CIT: variants seen among roughly 807,000 people sequenced by gnomAD.
CIT encodes the protein citron rho-interacting serine/threonine kinase, also known as citron Rho-interacting kinase.
CIT carries 79 observed loss-of-function variants against 272.7 expected under a neutral mutation model. The ratio of observed to expected loss-of-function variants is 0.29; its 90% CI spans 0.24 to 0.35. The LOEUF (loss-of-function observed/expected upper bound fraction) is 0.35. CIT is among the 10% of genes least tolerant of loss of function. The pLI is 1.00. For missense variants in CIT, 1,909 were observed against 2,618.3 expected (o/e 0.73, Z 5.91); for synonymous variants, 948 against 995.6 (o/e 0.95, Z 0.90).
In CIT at chr12:119,712,682, C is replaced by T. The variant is rs1485915487; in HGVS notation, c.4593G>A (p.Pro1531=). 5 of 1,613,880 alleles carry T rather than the reference C, an allele frequency of 3.1e-6. No individual in the cohort carries two copies. The highest frequency in any genetic ancestry group is 2.5e-6 in the Non-Finnish European group (3 of 1,179,944). Reference sequence around the variant, plus strand: ...GAAGGCACAGCTCAAATTCTTCCACCGGCCTCTGTCCAGCTTGGTGCAAAG... The same window carrying T: ...GAAGGCACAGCTCAAATTCTTCCACTGGCCTCTGTCCAGCTTGGTGCAAAG... The part of the protein sequence containing the change: ...DNEAREAGQR[P]VEEFELCLPD... The change falls in exon 36 of 48, where the codon CCG becomes CCA. Residue 1531 remains proline (P), a synonymous_variant. Transcript: ENST00000392521. This position sits in a 1 kb window ranked among gnomAD's most constrained non-coding sequence, Gnocchi z 5.2.
chr12:119,715,664 C>A (rs1338955042), intron 32 of CIT, among the ~76,000 whole-genome samples: 1 of 152,160 alleles, frequency 6.6e-6, no homozygotes, highest in Non-Finnish European at 1.5e-5. Context: ...CTGAATTGTA[C>A]ATTTTTAATG....
chr12:119,765,358 A>G (rs1962297040), intron 19 of CIT, among the ~76,000 whole-genome samples: 1 of 143,938 alleles, frequency 6.9e-6, no homozygotes, highest in African/African-American at 2.6e-5. Flanking sequence ...GTCTCTAAAT[A>G]TATATATATT....
intron 2 of CIT, among the ~76,000 whole-genome samples, chr12:119,872,991 T>C (rs1950729004): frequency 6.6e-6 from 1 of 151,582 alleles, no homozygotes; most frequent in African/African-American, 2.4e-5. Flanking sequence ...AGAGATGGGG[T>C]TTCACCATTT....
rs60831257 is a variant in CIT, at chr12:119,698,124, T to C, written c.5624-70A>G. 0.018 allele frequency: 24,673 copies of C among 1,349,076 alleles called. 3,429 individuals are homozygous for C. The African/African-American group carries it at 0.31, about 17-fold the overall frequency. 83.6% of individuals were successfully genotyped at this position (1,349,076 alleles called of 1,614,324 possible). On this transcript the variant is annotated intron_variant, in intron 44 of 47. Coordinates refer to ENST00000392521, the MANE Select transcript of CIT (RefSeq NM_001206999.2). ...AAAAGAGGGAAAATCAAAATCTGAC[T>C]GCAATGCATTCTTTGACCCAGCAAT...
At chr12:119,736,226 T>C (rs1958745358) in intron 24 of CIT, among the ~76,000 whole-genome samples, 1 of 152,074 alleles carries the variant, frequency 6.6e-6, no homozygotes, top group South Asian at 2.1e-4. Flanking sequence ...GGCAGTAAAT[T>C]AAATTTTACG....
intron 9 of CIT, among the ~76,000 whole-genome samples, chr12:119,812,138 G>A (rs1966853515): frequency 6.6e-6 from 1 of 151,940 alleles, no homozygotes; most frequent in Non-Finnish European, 1.5e-5. Context: ...AGTAGAGACG[G>A]GGTTTTACCA....
rs146931583 is a variant in CIT at position 119,761,004 on chromosome 12, T to C, written c.2356A>G (p.Asn786Asp). The C allele has an allele frequency of 9.9e-6, 16 of 1,614,204 alleles. No homozygotes were observed. Among genetic ancestry groups the C allele is most frequent in the Non-Finnish European group, 1.3e-5 (15 of 1,180,024 alleles). Residue 786 changes from asparagine (N) to aspartate (D), a missense_variant, in exon 20 of 48, where the codon AAC becomes GAC. By Grantham distance (23) the Asn-to-Asp change is conservative. Transcript: ENST00000392521. Reference sequence around the variant, plus strand: ...TCCTCCTCGTGTCTCTGCATCATGTTCTCCAGTGTCTCCTTGTCAGCCAGG... The same window carrying C: ...TCCTCCTCGTGTCTCTGCATCATGTCCTCCAGTGTCTCCTTGTCAGCCAGG... ...KDLADKETLENMMQRHEEEAH... is the reference protein window; with the variant it reads ...KDLADKETLEDMMQRHEEEAH...
At position 119,804,118 on chromosome 12, in the gene CIT, C is replaced by T. The variant is rs1007535421; in HGVS notation, c.1112-729G>A. The T allele has an allele frequency of 1.0e-6, 1 of 965,814 alleles. No individual in the cohort carries two copies. The highest frequency in any genetic ancestry group is 1.2e-6 in the Non-Finnish European group (1 of 812,080). The allele number at this position is 965,814 out of a possible 1,614,324, so 59.8% of individuals were successfully genotyped here. A position where few individuals can be genotyped will look rare whatever the true frequency, so the allele number is the denominator to read the frequency against. ...CTACCGGTGATCTACAGCACCCCTG[C>T]GCGCTGACGGTGGGAATGCACGGAT... is the stretch of plus-strand genomic sequence containing the variant. On this transcript the variant is annotated intron_variant, in intron 9 of 47. Coordinates refer to ENST00000392521, the MANE Select transcript of CIT (RefSeq NM_001206999.2). This position sits in a 1 kb window ranked among gnomAD's most constrained non-coding sequence, Gnocchi z 5.3.
Position 119,721,430 on chromosome 12 carries a change from T to C in CIT, c.3611A>G (p.Gln1204Arg). 5 of 1,608,980 alleles carry C rather than the reference T, an allele frequency of 3.1e-6. No individual in the cohort carries two copies. Among genetic ancestry groups the C allele is most frequent in the Non-Finnish European group, 4.3e-6 (5 of 1,175,836 alleles). The part of the protein sequence containing the change: ...LLEEQAKLQQ[Q>R]MDLQKNHIFR... Reference sequence around the variant, plus strand: ...AATGTGATTTTTCTGCAGGTCCATCTGCTGCTGTAATTTGGCTTGCTAGTG... The same window carrying C: ...AATGTGATTTTTCTGCAGGTCCATCCGCTGCTGTAATTTGGCTTGCTAGTG... The change falls in exon 29 of 48, where the codon CAG becomes CGG. Residue 1204 changes from glutamine (Q) to arginine (R), a missense_variant. Gln to Arg is a conservative substitution (Grantham distance 43). Transcript: ENST00000392521.
chr12:119,801,182 G>A (rs1234560067), intron 10 of CIT, among the ~76,000 whole-genome samples: 3 of 152,168 alleles, frequency 2.0e-5, no homozygotes, highest in South Asian at 2.1e-4. Flanking sequence ...ACAGCAGCTC[G>A]TTTTGTGCTC....
At chr12:119,837,789 G>T (rs1295595783) in intron 5 of CIT, among the ~76,000 whole-genome samples, 1 of 152,180 alleles carries the variant, frequency 6.6e-6, no homozygotes, top group Non-Finnish European at 1.5e-5. Flanking sequence ...AATAAGACAA[G>T]CCAGGCATGT....
intron 5 of CIT, among the ~76,000 whole-genome samples, chr12:119,848,223 G>C (rs910106121): frequency 6.6e-6 from 1 of 152,222 alleles, no homozygotes; most frequent in Non-Finnish European, 1.5e-5. Flanking sequence ...TCACTCAGAG[G>C]ACAAGGAAAA....
At chr12:119,836,263 G>A (rs1481308886) in intron 5 of CIT, among the ~76,000 whole-genome samples, 2 of 123,800 alleles carry the variant, frequency 1.6e-5, no homozygotes. Flanking sequence ...CTCCAGCCTG[G>A]CAACAGAGCG....
At chr12:119,738,097 C>G (rs951895173) in intron 24 of CIT, among the ~76,000 whole-genome samples, 2 of 152,152 alleles carry the variant, frequency 1.3e-5, no homozygotes, top group Non-Finnish European at 2.9e-5. Context: ...AACAGAGATG[C>G]TAGGTAACTT....
In CIT at chr12:119,754,507, C is replaced by T. The variant is rs544811126; in HGVS notation, c.2707-2260G>A. ...GGTGACAGTGACTCAAGGGGAGGAG[C>T]GGGAGCTGGATGCTATACAATGAAG... On this transcript the variant is annotated intron_variant, in intron 22 of 47. Transcript: ENST00000392521. 8.6e-4 allele frequency among the ~76,000 whole-genome samples: 131 copies of T among 152,308 alleles called. 1 individual carries two copies. The highest frequency in any genetic ancestry group is 2.9e-3 in the African/African-American group (119 of 41,576).
chr12:119,829,344 A>AAGAAGAGAAGAGAAGAGAAG (rs58685524), intron 7 of CIT, among the ~76,000 whole-genome samples: 7,857 of 133,372 alleles, frequency 0.059, 367 homozygotes, highest in East Asian at 0.076. Flanking sequence ...CTTGAAAGAA[A>AAGAAGAGAAGAGAAGAGAAG]AGAAGAGAAG....
chr12:119,817,155 G>A (rs1967262249), intron 9 of CIT, among the ~76,000 whole-genome samples: 1 of 152,162 alleles, frequency 6.6e-6, no homozygotes, highest in Non-Finnish European at 1.5e-5. Flanking sequence ...AGGTTAGCAG[G>A]ATGCTGTATG....
At chr12:119,745,045 T>C (rs1959192982) in intron 23 of CIT, among the ~76,000 whole-genome samples, 1 of 151,682 alleles carries the variant, frequency 6.6e-6, no homozygotes, top group Non-Finnish European at 1.5e-5. Flanking sequence ...GAAAAAATAT[T>C]TCAAGAAATA....
At chr12:119,741,931 A>G (rs1001829660) in intron 24 of CIT, among the ~76,000 whole-genome samples, 1 of 152,146 alleles carries the variant, frequency 6.6e-6, no homozygotes, top group Non-Finnish European at 1.5e-5. Flanking sequence ...TGGGAAGCCA[A>G]ATTTTGCCTG....
Sources: gnomAD v4.1 joint callset for allele counts (sites outside exome capture counted in the v4.1 genomes callset) on GRCh38, gnomAD v4.1.1 for gene constraint, Gnocchi (gnomAD v3.1) non-coding constraint, MANE v1.5 for transcripts, NCBI Gene and HGNC (gene_info 2026-07-23, HGNC 2026-07-21) for gene names.